The following DTNA variants were observed in gnomAD, a reference collection of about 807,000 sequenced individuals.
DTNA encodes dystrobrevin alpha.
A neutral mutation model predicts 100.7 loss-of-function variants in DTNA; 43 were observed. The ratio of observed to expected loss-of-function variants is 0.43; its 90% CI spans 0.33 to 0.55. DTNA has a LOEUF of 0.55. Ranked by LOEUF, DTNA falls within the 20% of genes least tolerant of loss-of-function variation. The pLI, the probability that DTNA is intolerant of heterozygous loss-of-function variation, is 0.04. For synonymous variants in DTNA, 349 were observed against 347.9 expected, an observed-to-expected ratio of 1.00 and a Z score of -0.04; for missense variants, 798 against 953.9, an observed-to-expected ratio of 0.84 and a Z score of 2.15.
intron 1 of DTNA, among the ~76,000 whole-genome samples, chr18:34,530,695 A>G (rs2043054886): frequency 6.6e-6 from 1 of 152,132 alleles, no homozygotes; most frequent in African/African-American, 2.4e-5. Flanking sequence ...TGCTTTGAGG[A>G]AGATAACTAT....
At chr18:34,498,781 A>G (rs1292448372) in intron 1 of DTNA, among the ~76,000 whole-genome samples, 1 of 152,200 alleles carries the variant, frequency 6.6e-6, no homozygotes, top group Non-Finnish European at 1.5e-5. Context: ...CAAAATAGAC[A>G]AAAGTATAAT....
chr18:34,505,188 C>T (rs1043328216), intron 1 of DTNA, among the ~76,000 whole-genome samples: 1 of 152,172 alleles, frequency 6.6e-6, no homozygotes, highest in Non-Finnish European at 1.5e-5. Context: ...TCTTTAGCTT[C>T]TAGAGGCACC....
intron 1 of DTNA, among the ~76,000 whole-genome samples, chr18:34,751,891 T>C (rs2092351055): frequency 6.6e-6 from 1 of 152,192 alleles, no homozygotes; most frequent in African/African-American, 2.4e-5. Flanking sequence ...AAACTACCAG[T>C]GTGTTTGACA....
intron 1 of DTNA, among the ~76,000 whole-genome samples, chr18:34,556,381 A>G (rs2046050731): frequency 6.6e-6 from 1 of 151,530 alleles, no homozygotes; most frequent in Middle Eastern, 3.2e-3. Flanking sequence ...TTTAAAGTTA[A>G]TATTGTTATG....
At chr18:34,529,632 GT>G (rs1223780528) in intron 1 of DTNA, among the ~76,000 whole-genome samples, 1 of 152,142 alleles carries the variant, frequency 6.6e-6, no homozygotes, top group East Asian at 1.9e-4. Flanking sequence ...CCCATGGAGA[GT>G]CACAAAGTGG....
intron 1 of DTNA, among the ~76,000 whole-genome samples, chr18:34,725,681 A>G (rs2086495051): frequency 6.6e-6 from 1 of 152,198 alleles, no homozygotes; most frequent in East Asian, 1.9e-4. Flanking sequence ...ATTGTGGAAG[A>G]CAGTGTGGCG....
At chr18:34,886,467 CTT>C (rs1011375895) in intron 22 of DTNA, among the ~76,000 whole-genome samples, 26 of 152,300 alleles carry the variant, frequency 1.7e-4, no homozygotes, top group African/African-American at 6.3e-4. Context: ...TTTAATAGCA[CTT>C]TCTTTCTCTT....
intron 13 of DTNA, among the ~76,000 whole-genome samples, chr18:34,847,602 A>G (rs566245098): frequency 6.0e-4 from 92 of 152,216 alleles, no homozygotes; most frequent in Non-Finnish European, 1.2e-3. Flanking sequence ...GTGGGGATCC[A>G]TTCACATGGT....
At chr18:34,802,998 TAA>T (rs764264305) in intron 4 of DTNA, among the ~76,000 whole-genome samples, 9 of 152,206 alleles carry the variant, frequency 5.9e-5, no homozygotes, top group Non-Finnish European at 1.3e-4. Flanking sequence ...CATTTGTATT[TAA>T]GTCTTTAGTG....
intron 1 of DTNA, among the ~76,000 whole-genome samples, chr18:34,626,590 C>G (rs1334014863): frequency 2.6e-5 from 4 of 152,180 alleles, no homozygotes; most frequent in Non-Finnish European, 5.9e-5. Context: ...AGGTTGCCAG[C>G]AACCAGCAAA....
intron 1 of DTNA, among the ~76,000 whole-genome samples, chr18:34,686,352 G>T (rs559075071): frequency 6.6e-6 from 1 of 152,214 alleles, no homozygotes; most frequent in Admixed American, 6.5e-5. Flanking sequence ...GCATGAAGGG[G>T]TGTTGAATTT....
chr18:34,868,070 A>G (rs761344461), intron 17 of DTNA: 7 of 934,256 alleles, frequency 7.5e-6, no homozygotes, highest in Non-Finnish European at 8.9e-6. Context: ...TTGAAATAGA[A>G]AAATCAAAAA....
intron 14 of DTNA, among the ~76,000 whole-genome samples, chr18:34,850,727 A>G (rs748096556): frequency 1.3e-5 from 2 of 152,240 alleles, no homozygotes; most frequent in African/African-American, 4.8e-5. Flanking sequence ...TGTAAGGCAA[A>G]GAAAGCAAGA....
chr18:34,641,127 G>A (rs1282994866), intron 1 of DTNA, among the ~76,000 whole-genome samples: 2 of 152,038 alleles, frequency 1.3e-5, no homozygotes, highest in East Asian at 3.9e-4. Context: ...GAACAGAGTA[G>A]ATAATATATG....
chr18:34,621,927 G>C (rs1396193516), intron 1 of DTNA, among the ~76,000 whole-genome samples: 2 of 152,000 alleles, frequency 1.3e-5, no homozygotes, highest in Non-Finnish European at 2.9e-5. Flanking sequence ...CATAGTATAC[G>C]ATTTATATTT....
intron 1 of DTNA, among the ~76,000 whole-genome samples, chr18:34,540,662 A>G (rs2044162349): frequency 6.6e-6 from 1 of 152,054 alleles, no homozygotes; most frequent in African/African-American, 2.4e-5. Flanking sequence ...GTGGGAAGTA[A>G]AGAACATATG....
At chr18:34,495,821 G>A (rs1409820084) in intron 1 of DTNA, among the ~76,000 whole-genome samples, 2 of 151,768 alleles carry the variant, frequency 1.3e-5, no homozygotes, top group East Asian at 1.9e-4. Context: ...GTGAAGAAAG[G>A]TCTCAATGGG....
intron 1 of DTNA, among the ~76,000 whole-genome samples, chr18:34,753,378 T>TA (rs1568412960): frequency 2.9e-4 from 28 of 96,632 alleles, no homozygotes; most frequent in African/African-American, 1.5e-3. Flanking sequence ...TTTTTTTTTT[T>TA]TTTTATTTTT....
intron 1 of DTNA, among the ~76,000 whole-genome samples, chr18:34,668,653 A>G (rs1352470306): frequency 2.0e-5 from 3 of 152,240 alleles, no homozygotes; most frequent in Non-Finnish European, 2.9e-5. Context: ...TTCAAAAAAC[A>G]TCTTTATTTC....
Sources: gnomAD v4.1 joint callset for allele counts (sites outside exome capture counted in the v4.1 genomes callset) on GRCh38, gnomAD v4.1.1 for gene constraint, MANE v1.5 for transcripts, NCBI Gene and HGNC (gene_info 2026-07-23, HGNC 2026-07-21) for gene names.